The following PLXDC2 variants were observed in gnomAD, a reference collection of about 807,000 sequenced individuals.
PLXDC2 encodes the protein plexin domain-containing protein 2.
PLXDC2 carries 40 observed loss-of-function variants against 68.9 expected under a neutral mutation model. The observed-to-expected ratio is 0.58, with a 90% CI of 0.45 to 0.76. PLXDC2 has a LOEUF of 0.76. Among genes scored for constraint, PLXDC2 ranks in the 30% least tolerant of loss-of-function variants. PLXDC2 has a pLI of 0.00. For missense variants in PLXDC2, 644 were observed against 661.9 expected, an observed-to-expected ratio of 0.97 and a Z score of 0.30; for synonymous variants, 243 against 234.2, an observed-to-expected ratio of 1.04 and a Z score of -0.34.
chr10:19,918,144 T>G (rs1272707136), intron 1 of PLXDC2, among the ~76,000 whole-genome samples: 1 of 152,206 alleles, frequency 6.6e-6, no homozygotes, highest in Non-Finnish European at 1.5e-5. Flanking sequence ...CCAGAAGAGC[T>G]GAGCAGGTCA....
In PLXDC2 at chr10:20,244,744, G is replaced by A. The variant is rs142175813; in HGVS notation, c.1313-601G>A. On this transcript the variant is annotated intron_variant, in intron 12 of 13. Transcript: ENST00000377252. ...GAGAAAAATCAAAGTTAAATTTAGT[G>A]TGTAGTTAATTAGAGTTTGAGGTTT... Among the ~76,000 whole-genome samples, 371 of 152,302 alleles carry A rather than the reference G, an allele frequency of 2.4e-3. 1 individual carries two copies. Among genetic ancestry groups the A allele is most frequent in the African/African-American group, 8.5e-3 (353 of 41,578 alleles).
chr10:20,008,887 TC>T lies in PLXDC2; in HGVS notation c.324+6903del, dbSNP rs1835067541. Among the ~76,000 whole-genome samples, 10 of 152,308 alleles carry T rather than the reference TC, an allele frequency of 6.6e-5. 1 individual carries two copies. In the South Asian group the frequency reaches 2.1e-3, roughly 32 times the overall value. Reference sequence around the variant, plus strand: ...GCCATGCAAGACATGACTTTGCTCCTCCTTCACCTTCTGCCGTGATTGTCAG... The same window carrying T: ...GCCATGCAAGACATGACTTTGCTCCTCTTCACCTTCTGCCGTGATTGTCAG... On this transcript the variant is annotated intron_variant, in intron 2 of 13. Transcript: ENST00000377252.
chr10:20,206,590 G>A (rs1209870483), intron 9 of PLXDC2, among the ~76,000 whole-genome samples: 1 of 152,062 alleles, frequency 6.6e-6, no homozygotes, highest in African/African-American at 2.4e-5. Context: ...GTAGAGCATG[G>A]GCTACAGGAG....
chr10:19,932,188 A>T (rs1360811293), intron 1 of PLXDC2, among the ~76,000 whole-genome samples: 1 of 152,232 alleles, frequency 6.6e-6, no homozygotes, highest in Non-Finnish European at 1.5e-5. Context: ...AAGTACCAGA[A>T]ACCAGCTCAA....
intron 1 of PLXDC2, 31 bp from the exon 2 acceptor site, chr10:20,001,744 T>C (rs1461387466): frequency 6.3e-7 from 1 of 1,599,494 alleles, no homozygotes; most frequent in Non-Finnish European, 8.6e-7. Flanking sequence ...ACATAATGAG[T>C]GGTAACCCAT....
chr10:19,899,526 A>G (rs144719779), intron 1 of PLXDC2, among the ~76,000 whole-genome samples: 593 of 152,326 alleles, frequency 3.9e-3, no homozygotes, highest in Admixed American at 7.0e-3. Flanking sequence ...ATAAATACTC[A>G]TGAATCTTAT....
chr10:19,900,015 A>G (rs1301847564), intron 1 of PLXDC2, among the ~76,000 whole-genome samples: 1 of 152,202 alleles, frequency 6.6e-6, no homozygotes, highest in Non-Finnish European at 1.5e-5. Context: ...TAGACGTAAA[A>G]ATAGGAAATT....
intron 2 of PLXDC2, among the ~76,000 whole-genome samples, chr10:20,033,640 C>G (rs1835536376): frequency 6.6e-6 from 1 of 152,084 alleles, no homozygotes; most frequent in South Asian, 2.1e-4. Context: ...GGGGTAACTT[C>G]CCTTTATAAA....
At chr10:19,845,040 G>A (rs1443066646) in intron 1 of PLXDC2, among the ~76,000 whole-genome samples, 2 of 152,128 alleles carry the variant, frequency 1.3e-5, no homozygotes, top group Non-Finnish European at 2.9e-5. Flanking sequence ...GAACCCACTG[G>A]GACATGACAC....
intron 1 of PLXDC2, among the ~76,000 whole-genome samples, chr10:19,910,480 G>C (rs942851307): frequency 1.3e-5 from 2 of 151,802 alleles, no homozygotes; most frequent in African/African-American, 4.8e-5. Flanking sequence ...TACGGATCTG[G>C]TGCCTTCTGT....
intron 2 of PLXDC2, among the ~76,000 whole-genome samples, chr10:20,032,687 G>C (rs1181694879): frequency 6.6e-6 from 1 of 151,962 alleles, no homozygotes; most frequent in Non-Finnish European, 1.5e-5. Flanking sequence ...GTTTGTATGT[G>C]TTATATAGAA....
intron 1 of PLXDC2, among the ~76,000 whole-genome samples, chr10:19,833,618 C>T (rs1322112883): frequency 2.0e-5 from 3 of 152,172 alleles, no homozygotes; most frequent in African/African-American, 4.8e-5. Context: ...AATTCTGCCG[C>T]GTCATCTACT....
At chr10:20,209,867 T>C (rs1388971032) in intron 9 of PLXDC2, among the ~76,000 whole-genome samples, 1 of 152,110 alleles carries the variant, frequency 6.6e-6, no homozygotes, top group Non-Finnish European at 1.5e-5. Flanking sequence ...GTGATAAGTG[T>C]CCATGAAATC....
intron 7 of PLXDC2, among the ~76,000 whole-genome samples, chr10:20,170,447 C>T (rs570373580): frequency 1.6e-4 from 25 of 152,310 alleles, no homozygotes; most frequent in Admixed American, 1.0e-3. Flanking sequence ...GCTTCAGCCT[C>T]CCATAGTGTT....
chr10:20,011,171 G>A (rs1034518477), intron 2 of PLXDC2, among the ~76,000 whole-genome samples: 2 of 152,104 alleles, frequency 1.3e-5, no homozygotes, highest in African/African-American at 4.8e-5. Flanking sequence ...TTCTTTATAT[G>A]TTGAACGAAG....
chr10:19,859,643 T>C (rs1440815301), intron 1 of PLXDC2, among the ~76,000 whole-genome samples: 9 of 152,312 alleles, frequency 5.9e-5, no homozygotes, highest in African/African-American at 2.2e-4. Context: ...CAGTATAGCA[T>C]TTTAGAATTT....
chr10:19,916,893 G>A (rs1833377632), intron 1 of PLXDC2, among the ~76,000 whole-genome samples: 1 of 152,174 alleles, frequency 6.6e-6, no homozygotes, highest in Non-Finnish European at 1.5e-5. Flanking sequence ...AAAATTCCAT[G>A]TGTATGCAGA....
chr10:20,167,490 C>T (rs927267068), intron 7 of PLXDC2, among the ~76,000 whole-genome samples: 1 of 152,018 alleles, frequency 6.6e-6, no homozygotes, highest in Non-Finnish European at 1.5e-5. Context: ...AATTCAGTTC[C>T]CTTATTTAGC....
intron 7 of PLXDC2, among the ~76,000 whole-genome samples, chr10:20,173,715 C>A (rs1366540519): frequency 6.6e-6 from 1 of 152,164 alleles, no homozygotes; most frequent in South Asian, 2.1e-4. Flanking sequence ...TTTAATTCAA[C>A]TTTATTTTGG....
Sources: allele counts gnomAD v4.1 joint callset (sites outside exome capture counted in the v4.1 genomes callset), GRCh38; gene constraint gnomAD v4.1.1; transcripts MANE v1.5; gene names NCBI Gene and HGNC (gene_info 2026-07-23, HGNC 2026-07-21).